The following HPCAL1 variants were observed in gnomAD, a reference collection of about 807,000 sequenced individuals.
HPCAL1 encodes hippocalcin-like protein 1.
In HPCAL1, 8 loss-of-function variants were observed where a neutral mutation model predicts 17.1. The observed-to-expected ratio is 0.47, with a 90% CI of 0.27 to 0.84. HPCAL1 has a LOEUF of 0.84. Ranked by LOEUF, HPCAL1 falls within the 40% of genes least tolerant of loss-of-function variation. The pLI, the probability that HPCAL1 is intolerant of heterozygous loss-of-function variation, is 0.13. For synonymous variants in HPCAL1, 112 were observed against 111.4 expected (o/e 1.01, Z -0.03); for missense variants, 165 against 271.1 (o/e 0.61, Z 2.75).
chr2:10,385,339 G>A (rs1254256890), intron 1 of HPCAL1, among the ~76,000 whole-genome samples: 1 of 131,970 alleles, frequency 7.6e-6, no homozygotes, highest in African/African-American at 3.1e-5. Context: ...GGTGGCTTCA[G>A]CTCCCGGTCA....
chr2:10,338,470 A>T (rs1237648226), intron 1 of HPCAL1, among the ~76,000 whole-genome samples: 1 of 152,142 alleles, frequency 6.6e-6, no homozygotes, highest in Non-Finnish European at 1.5e-5. Context: ...TGAAGTAGGG[A>T]TCATTCCTAC....
At chr2:10,357,534 G>A (rs751818202) in intron 1 of HPCAL1, among the ~76,000 whole-genome samples, 12 of 152,170 alleles carry the variant, frequency 7.9e-5, no homozygotes, top group African/African-American at 2.7e-4. Flanking sequence ...GCTTTAGATC[G>A]TCGCCTGTGA....
At chr2:10,383,105 G>A (rs148167341) in intron 1 of HPCAL1, among the ~76,000 whole-genome samples, 1 of 152,326 alleles carries the variant, frequency 6.6e-6, no homozygotes, top group Admixed American at 6.5e-5. Context: ...GGGCGCGGCG[G>A]CTCATGCCTG....
chr2:10,327,869 T>C (rs965095577), intron 1 of HPCAL1, among the ~76,000 whole-genome samples: 1 of 152,262 alleles, frequency 6.6e-6, no homozygotes, highest in Non-Finnish European at 1.5e-5. Flanking sequence ...ACTTACTGCA[T>C]ATACATTCAT....
intron 1 of HPCAL1, among the ~76,000 whole-genome samples, chr2:10,392,124 C>A (rs1323000697): frequency 1.3e-5 from 2 of 152,112 alleles, no homozygotes; most frequent in South Asian, 2.1e-4. Context: ...CTCACTGCAG[C>A]CTTGAACTCC....
At chr2:10,412,919 G>A (rs1670444956) in intron 2 of HPCAL1, among the ~76,000 whole-genome samples, 1 of 152,066 alleles carries the variant, frequency 6.6e-6, no homozygotes, top group Non-Finnish European at 1.5e-5. Flanking sequence ...TCTTTTTCTT[G>A]TTCTCCTTGT....
At chr2:10,309,726 G>T (rs906501539) in intron 1 of HPCAL1, among the ~76,000 whole-genome samples, 2 of 152,200 alleles carry the variant, frequency 1.3e-5, no homozygotes, top group African/African-American at 4.8e-5. Flanking sequence ...CTGTGGCCTT[G>T]GGTGGCTTGG....
intron 1 of HPCAL1, among the ~76,000 whole-genome samples, chr2:10,357,197 C>T (rs1033131021): frequency 6.6e-6 from 1 of 152,186 alleles, no homozygotes; most frequent in Admixed American, 6.5e-5. Context: ...TTTTGAGGAA[C>T]AGCCTCCTTT....
At chr2:10,390,600 A>C (rs368440841) in intron 1 of HPCAL1, among the ~76,000 whole-genome samples, 1 of 152,102 alleles carries the variant, frequency 6.6e-6, no homozygotes, top group Non-Finnish European at 1.5e-5. Flanking sequence ...TTGAGCACAC[A>C]TCTGCCTGCT....
At chr2:10,346,269 G>A (rs930026892) in intron 1 of HPCAL1, among the ~76,000 whole-genome samples, 11 of 152,146 alleles carry the variant, frequency 7.2e-5, no homozygotes, top group African/African-American at 2.7e-4. Flanking sequence ...GCCATGGGGA[G>A]CCTCCTGGTA....
In HPCAL1 at chr2:10,325,114, T is replaced by A. The variant is rs141612635; in HGVS notation, c.-111+21937T>A. Reference sequence around the variant, plus strand: ...TCCCAAACTGTTGGGATTACAGGCGTGAGCCACTGTGCCCAGCCGGGTTGC... The same window carrying A: ...TCCCAAACTGTTGGGATTACAGGCGAGAGCCACTGTGCCCAGCCGGGTTGC... On this transcript the variant is annotated intron_variant, in intron 1 of 4. Coordinates refer to ENST00000307845, the MANE Select transcript of HPCAL1 (RefSeq NM_002149.4). Among the ~76,000 whole-genome samples, 581 of 152,026 alleles carry A rather than the reference T, an allele frequency of 3.8e-3. 2 individuals are homozygous for A. Among genetic ancestry groups the A allele is most frequent in the Non-Finnish European group, 5.9e-3 (400 of 67,970 alleles).
Position 10,323,221 on chromosome 2 carries a change from G to A in HPCAL1, c.-111+20044G>A, listed in dbSNP as rs1484642550. Reference sequence around the variant, plus strand: ...TCCCAGCGTGTATGCATGGGGTCACGGTGCTCCACGCTCTCAACCGTTGGT... The same window carrying A: ...TCCCAGCGTGTATGCATGGGGTCACAGTGCTCCACGCTCTCAACCGTTGGT... On this transcript the variant is annotated intron_variant, in intron 1 of 4. Coordinates refer to ENST00000307845, the MANE Select transcript of HPCAL1 (RefSeq NM_002149.4). The surrounding 1 kb of genome is among the most constrained non-coding windows in gnomAD (Gnocchi z 4.6). Among the ~76,000 whole-genome samples the A allele has an allele frequency of 1.3e-5, 2 of 152,200 alleles. No individual in the cohort carries two copies. Among genetic ancestry groups the A allele is most frequent in the African/African-American group, 4.8e-5 (2 of 41,444 alleles).
chr2:10,346,451 C>T, intron 1 of HPCAL1, among the ~76,000 whole-genome samples: 1 of 152,174 alleles, frequency 6.6e-6, no homozygotes, highest in Non-Finnish European at 1.5e-5. Context: ...CTGCCTGGCC[C>T]CAGTCCCCTC....
chr2:10,348,600 CAA>C (rs56194796), intron 1 of HPCAL1, among the ~76,000 whole-genome samples: 99 of 144,364 alleles, frequency 6.9e-4, no homozygotes, highest in East Asian at 1.4e-3. Context: ...CCTGTCTCTA[CAA>C]AAAAAAAAAA....
intron 1 of HPCAL1, among the ~76,000 whole-genome samples, chr2:10,373,915 G>T (rs920915977): frequency 6.6e-6 from 1 of 152,232 alleles, no homozygotes; most frequent in Non-Finnish European, 1.5e-5. Flanking sequence ...GGCCATCACA[G>T]GGGCTTCTGC....
intron 2 of HPCAL1, among the ~76,000 whole-genome samples, chr2:10,397,272 AG>A (rs1349677705): frequency 6.6e-6 from 1 of 152,068 alleles, no homozygotes; most frequent in Non-Finnish European, 1.5e-5. Context: ...CGTGTGGGTG[AG>A]GGCAAGGAGG....
At chr2:10,391,710 T>C (rs904804147) in intron 1 of HPCAL1, among the ~76,000 whole-genome samples, 1 of 152,226 alleles carries the variant, frequency 6.6e-6, no homozygotes, top group South Asian at 2.1e-4. Context: ...CATACCACAT[T>C]TGTCCTTTTG....
At chr2:10,369,995 G>A (rs1667111136) in intron 1 of HPCAL1, among the ~76,000 whole-genome samples, 1 of 152,152 alleles carries the variant, frequency 6.6e-6, no homozygotes, top group Admixed American at 6.5e-5. Flanking sequence ...CGCCTACCTG[G>A]CCCACTTATC....
chr2:10,373,899 C>T (rs890881655), intron 1 of HPCAL1, among the ~76,000 whole-genome samples: 1 of 152,230 alleles, frequency 6.6e-6, no homozygotes, highest in Non-Finnish European at 1.5e-5. Context: ...CTGGGCCAGA[C>T]AACCCGGCCA....
Sources: allele counts gnomAD v4.1 joint callset (sites outside exome capture counted in the v4.1 genomes callset), GRCh38; gene constraint gnomAD v4.1.1; non-coding constraint Gnocchi (gnomAD v3.1); transcripts MANE v1.5; gene names NCBI Gene and HGNC (gene_info 2026-07-23, HGNC 2026-07-21).